Variants in ZBBX observed in about 807,000 individuals in gnomAD.
ZBBX encodes zinc finger B-box domain-containing protein 1.
In ZBBX, 101 loss-of-function variants were observed where a neutral mutation model predicts 108.5. That is an observed-to-expected ratio of 0.93 (90% CI 0.79 to 1.10). The LOEUF (loss-of-function observed/expected upper bound fraction) is 1.10, where lower values mean the gene tolerates loss of function less well. ZBBX is among the 50% of genes least tolerant of loss of function. ZBBX has a pLI of 0.00. For synonymous variants in ZBBX, 356 were observed against 323.4 expected (o/e 1.10, Z -1.08); for missense variants, 1,009 against 941.4 (o/e 1.07, Z -0.94).
At chr3:167,368,757 G>A in intron 4 of ZBBX, 183 bp from the exon 5 acceptor site, 1 of 1,251,316 alleles carries the variant, frequency 8.0e-7, no homozygotes, top group East Asian at 3.5e-5. Flanking sequence ...AAATCCTGAA[G>A]CAAATTATCT....
intron 1 of ZBBX, among the ~76,000 whole-genome samples, chr3:167,406,167 T>C (rs1169820666): frequency 6.6e-6 from 1 of 152,212 alleles, no homozygotes. Context: ...GAGACAATAG[T>C]CTTCAATAAC....
chr3:167,402,685 A>C (rs999010550), intron 1 of ZBBX, among the ~76,000 whole-genome samples: 11 of 152,114 alleles, frequency 7.2e-5, no homozygotes, highest in African/African-American at 1.4e-4. Context: ...CAATAGGAAA[A>C]TATGAGAATA....
At chr3:167,225,911 T>C in the ZBBX span, among the ~76,000 whole-genome samples, 1 of 151,638 alleles carries the variant, frequency 6.6e-6, no homozygotes, top group Non-Finnish European at 1.5e-5. Context: ...CACAGGGTTC[T>C]AGTTATCCAC....
chr3:167,198,511 A>AT, the ZBBX span, among the ~76,000 whole-genome samples: 1 of 152,210 alleles, frequency 6.6e-6, no homozygotes, highest in Non-Finnish European at 1.5e-5. Context: ...TTAAAAATAT[A>AT]TTAATATAGA....
At chr3:167,196,045 G>A in the ZBBX span, among the ~76,000 whole-genome samples, 3 of 152,036 alleles carry the variant, frequency 2.0e-5, no homozygotes, top group African/African-American at 7.2e-5. Flanking sequence ...AATCATTATG[G>A]CCACTATACA....
At chr3:167,268,694 C>T (rs575082871) in intron 20 of ZBBX, among the ~76,000 whole-genome samples, 2 of 152,108 alleles carry the variant, frequency 1.3e-5, no homozygotes, top group South Asian at 4.2e-4. Flanking sequence ...TAAGAGTTGG[C>T]CAGATATTTC....
At chr3:167,232,513 A>G in the ZBBX span, among the ~76,000 whole-genome samples, 14 of 151,754 alleles carry the variant, frequency 9.2e-5, no homozygotes, top group Non-Finnish European at 1.8e-4. Flanking sequence ...TTCAAGAGCC[A>G]ATAAAGGGGA....
chr3:167,331,645 T>C, intron 10 of ZBBX: 2 of 985,210 alleles, frequency 2.0e-6, no homozygotes, highest in Non-Finnish European at 2.4e-6. Context: ...CTCAAAACTG[T>C]CATATATCAC....
At chr3:167,350,062 A>T (rs1350078162) in intron 9 of ZBBX, among the ~76,000 whole-genome samples, 1 of 151,962 alleles carries the variant, frequency 6.6e-6, no homozygotes, top group Non-Finnish European at 1.5e-5. Flanking sequence ...AACATAAGAG[A>T]TTTATACCTA....
chr3:167,392,967 A>T (rs992554576), intron 1 of ZBBX: 3 of 151,864 alleles, frequency 2.0e-5, no homozygotes, highest in African/African-American at 7.2e-5. Context: ...ACTTAAAGCC[A>T]TGGGATGGAA....
At chr3:167,204,521 T>C in the ZBBX span, among the ~76,000 whole-genome samples, 4 of 149,532 alleles carry the variant, frequency 2.7e-5, no homozygotes, top group East Asian at 7.8e-4. Flanking sequence ...GATAGTTTAC[T>C]GAGAATGATG....
At chr3:167,302,729 A>G (rs1732930428) in intron 17 of ZBBX, among the ~76,000 whole-genome samples, 1 of 152,152 alleles carries the variant, frequency 6.6e-6, no homozygotes, top group Non-Finnish European at 1.5e-5. Flanking sequence ...TGACTTTATC[A>G]CTCACAACAA....
chr3:167,377,864 T>G (rs1486686358), intron 2 of ZBBX, among the ~76,000 whole-genome samples: 2 of 152,246 alleles, frequency 1.3e-5, no homozygotes, highest in East Asian at 3.9e-4. Context: ...TCATCTTGAA[T>G]TGTAATCCCC....
intron 6 of ZBBX, among the ~76,000 whole-genome samples, chr3:167,363,108 A>C (rs1324612185): frequency 1.3e-5 from 2 of 151,902 alleles, no homozygotes; most frequent in Non-Finnish European, 2.9e-5. Flanking sequence ...CAGACTCTAA[A>C]GTTTTTCAGT....
chr3:167,183,757 A>C, the ZBBX span, among the ~76,000 whole-genome samples: 2 of 152,354 alleles, frequency 1.3e-5, no homozygotes, highest in African/African-American at 4.8e-5. Flanking sequence ...TGGGTGGGCC[A>C]GGTGTTCCTT....
At chr3:167,261,411 G>A (rs1382663526) in intron 20 of ZBBX, among the ~76,000 whole-genome samples, 3 of 151,236 alleles carry the variant, frequency 2.0e-5, no homozygotes, top group South Asian at 4.2e-4. Context: ...TATGCCATTT[G>A]TCTTCCACTA....
At chr3:167,375,836 C>T (rs963629064) in intron 2 of ZBBX, among the ~76,000 whole-genome samples, 3 of 152,126 alleles carry the variant, frequency 2.0e-5, no homozygotes, top group Non-Finnish European at 4.4e-5. Flanking sequence ...AATGGAATTA[C>T]ACAAAATAAT....
chr3:167,307,429 T>C (rs1733842020), intron 16 of ZBBX, among the ~76,000 whole-genome samples: 1 of 152,142 alleles, frequency 6.6e-6, no homozygotes. Flanking sequence ...AGTCTCAGAA[T>C]ACAAAATCAA....
intron 19 of ZBBX, among the ~76,000 whole-genome samples, chr3:167,286,821 C>T (rs1235403114): frequency 6.6e-6 from 1 of 152,110 alleles, no homozygotes; most frequent in Non-Finnish European, 1.5e-5. Flanking sequence ...TGCTGCTAAA[C>T]ACACATAGCT....
Sources: gnomAD v4.1 joint callset for allele counts (sites outside exome capture counted in the v4.1 genomes callset) on GRCh38, gnomAD v4.1.1 for gene constraint, MANE v1.5 for transcripts, NCBI Gene and HGNC (gene_info 2026-07-23, HGNC 2026-07-21) for gene names.